The following MYT1L variants were observed in gnomAD, a reference collection of about 807,000 sequenced individuals.
The protein encoded by MYT1L is myelin transcription factor 1 like, also known as myelin transcription factor 1-like protein.
In MYT1L, 12 loss-of-function variants were observed where a neutral mutation model predicts 126.7. That is an observed-to-expected ratio of 0.09 (90% CI 0.06 to 0.15). The LOEUF is 0.15. MYT1L is among the 10% of genes least tolerant of loss of function. The pLI, the probability that MYT1L is intolerant of heterozygous loss-of-function variation, is 1.00. For synonymous variants in MYT1L, 541 were observed against 604.2 expected (o/e 0.90, Z 1.53); for missense variants, 979 against 1,585.2 (o/e 0.62, Z 6.49).
At chr2:2,005,644 G>T (rs868401901) in intron 4 of MYT1L, among the ~76,000 whole-genome samples, 2 of 142,950 alleles carry the variant, frequency 1.4e-5, no homozygotes, top group African/African-American at 5.2e-5. Flanking sequence ...TCCTGCAGGC[G>T]TTCTTTCCTG....
chr2:1,903,920 CCAT>C (rs2148965075), intron 13 of MYT1L, among the ~76,000 whole-genome samples: 1 of 152,088 alleles, frequency 6.6e-6, no homozygotes, highest in South Asian at 2.1e-4. Flanking sequence ...CTCATAGACA[CCAT>C]GTCGTGTGTG....
chr2:2,291,222 G>A (rs1041720518), intron 1 of MYT1L, among the ~76,000 whole-genome samples: 1 of 152,158 alleles, frequency 6.6e-6, no homozygotes, highest in African/African-American at 2.4e-5. Flanking sequence ...TGTGATTCTG[G>A]GTTTTAGCTA....
intron 3 of MYT1L, among the ~76,000 whole-genome samples, chr2:2,089,107 C>T (rs1428663106): frequency 6.6e-6 from 1 of 152,116 alleles, no homozygotes; most frequent in African/African-American, 2.4e-5. Context: ...AAGAAAGGAG[C>T]CCTCTGGCTT....
chr2:2,243,074 A>C (rs2094468942), intron 2 of MYT1L, among the ~76,000 whole-genome samples: 1 of 152,212 alleles, frequency 6.6e-6, no homozygotes, highest in African/African-American at 2.4e-5. Context: ...CAATGGGAGC[A>C]GGGGAGAATG....
intron 18 of MYT1L, among the ~76,000 whole-genome samples, chr2:1,874,511 G>T (rs1228127034): frequency 6.6e-6 from 1 of 152,178 alleles, no homozygotes; most frequent in Non-Finnish European, 1.5e-5. Flanking sequence ...GGCCATGTGG[G>T]CTCAGGGCAT....
At chr2:2,158,170 C>G (rs1300473555) in intron 3 of MYT1L, among the ~76,000 whole-genome samples, 2 of 152,052 alleles carry the variant, frequency 1.3e-5, no homozygotes, top group African/African-American at 4.8e-5. Flanking sequence ...CGAGACCACA[C>G]AGTGTAGCAA....
intron 2 of MYT1L, among the ~76,000 whole-genome samples, chr2:2,200,869 C>T (rs547821905): frequency 3.9e-5 from 6 of 152,314 alleles, no homozygotes; most frequent in South Asian, 2.1e-4. Context: ...TAAGCAAATG[C>T]GCCTGGGAGT....
chr2:1,979,727 A>G lies in MYT1L; in HGVS notation c.51T>C (p.Val17=), dbSNP rs1394902718. The stretch of plus-strand genomic sequence containing the variant: ...TGCAGGGAAGCGCGGACATACCTCG[A>G]ACCCCTTTGGACCGCGTGCGATGCC... ...EKRHRTRSKG[V]RVPVEPAIQE... The change falls in exon 6 of 25, where the codon GTT becomes GTC. Residue 17 remains valine, a synonymous_variant. Coordinates refer to ENST00000647738, the MANE Select transcript of MYT1L (RefSeq NM_001303052.2). The surrounding 1 kb of genome is among the most constrained non-coding windows in gnomAD (Gnocchi z 4.0). The G allele has an allele frequency of 6.2e-7, 1 of 1,613,994 alleles. No individual in the cohort carries two copies. The highest frequency in any genetic ancestry group is 8.5e-7 in the Non-Finnish European group (1 of 1,179,894).
chr2:2,069,300 T>C (rs1181803545), intron 3 of MYT1L, among the ~76,000 whole-genome samples: 3 of 152,076 alleles, frequency 2.0e-5, no homozygotes, highest in Non-Finnish European at 2.9e-5. Context: ...TCAACTCCCA[T>C]TTATGAGTGA....
At chr2:2,048,060 A>G (rs770104395) in intron 4 of MYT1L, among the ~76,000 whole-genome samples, 2 of 152,034 alleles carry the variant, frequency 1.3e-5, no homozygotes, top group African/African-American at 2.4e-5. Flanking sequence ...GGAGGCACAG[A>G]CCCGGCTTTA....
intron 21 of MYT1L, among the ~76,000 whole-genome samples, chr2:1,830,458 G>C (rs900651391): frequency 1.8e-4 from 27 of 152,298 alleles, no homozygotes; most frequent in Admixed American, 5.9e-4. Context: ...GCATCACATG[G>C]CAGATGGGGA....
chr2:2,115,818 G>A (rs1575270981), intron 3 of MYT1L, among the ~76,000 whole-genome samples: 1 of 152,172 alleles, frequency 6.6e-6, no homozygotes. Flanking sequence ...GATGCACCAC[G>A]TCCAGTCGAC....
At chr2:1,890,492 G>A (rs1282758453) in intron 15 of MYT1L, among the ~76,000 whole-genome samples, 1 of 152,008 alleles carries the variant, frequency 6.6e-6, no homozygotes, top group African/African-American at 2.4e-5. Context: ...CAGCAAACCT[G>A]CAATTTAGTC....
chr2:2,016,510 A>T (rs1210674840), intron 4 of MYT1L, among the ~76,000 whole-genome samples: 1 of 152,248 alleles, frequency 6.6e-6, no homozygotes, highest in Non-Finnish European at 1.5e-5. Context: ...CTGCCAAGCC[A>T]GACAATTCCT....
rs535283752 is a variant in MYT1L, at chr2:2,184,063, AG to A, written c.-420-11076del. Among the ~76,000 whole-genome samples, 438 of 150,810 alleles carry A rather than the reference AG, an allele frequency of 2.9e-3. 1 individual carries two copies. Among genetic ancestry groups the A allele is most frequent in the Admixed American group, 4.5e-3 (68 of 15,192 alleles). ...AAAAAGAAAAAGAAAGAAAGAAAAAAGGGGAGAGAGAAACAGAGAGAGGGAG... is the reference window on the plus strand; with the variant it reads ...AAAAAGAAAAAGAAAGAAAGAAAAAAGGGAGAGAGAAACAGAGAGAGGGAG... On this transcript the variant is annotated intron_variant, in intron 2 of 24. Coordinates refer to ENST00000647738, the MANE Select transcript of MYT1L (RefSeq NM_001303052.2).
chr2:2,314,538 A>C (rs1320238383), intron 1 of MYT1L, among the ~76,000 whole-genome samples: 1 of 152,064 alleles, frequency 6.6e-6, no homozygotes, highest in Non-Finnish European at 1.5e-5. Flanking sequence ...CCCTTCTGTG[A>C]TTTCTTTTTT....
intron 18 of MYT1L, among the ~76,000 whole-genome samples, chr2:1,877,113 A>G (rs973460971): frequency 6.6e-6 from 1 of 152,074 alleles, no homozygotes; most frequent in African/African-American, 2.4e-5. Flanking sequence ...GCCTATCATC[A>G]CCCTAGCTCT....
At chr2:1,827,832 C>T (rs1185612639) in intron 21 of MYT1L, 1 of 152,138 alleles carries the variant, frequency 6.6e-6, no homozygotes, top group African/African-American at 2.4e-5. Context: ...GGGCGCCCCC[C>T]TAGAGAGGAC....
At chr2:1,871,022 T>A (rs1185328649) in intron 18 of MYT1L, among the ~76,000 whole-genome samples, 1 of 152,008 alleles carries the variant, frequency 6.6e-6, no homozygotes, top group Non-Finnish European at 1.5e-5. Flanking sequence ...TTTAAATGGA[T>A]CACAAATTCC....
Sources: allele counts gnomAD v4.1 joint callset (sites outside exome capture counted in the v4.1 genomes callset), GRCh38; gene constraint gnomAD v4.1.1; non-coding constraint Gnocchi (gnomAD v3.1); transcripts MANE v1.5; gene names NCBI Gene and HGNC (gene_info 2026-07-23, HGNC 2026-07-21).